The following APAF1 variants were observed in gnomAD, a reference collection of about 807,000 sequenced individuals.
APAF1 encodes apoptotic peptidase activating factor 1.
A neutral mutation model predicts 152.4 loss-of-function variants in APAF1; 91 were observed. The observed-to-expected ratio is 0.60, with a 90% CI of 0.50 to 0.71. APAF1 has a LOEUF of 0.71. Ranked by LOEUF, APAF1 falls within the 30% of genes least tolerant of loss-of-function variation. The pLI is 0.00. For synonymous variants in APAF1, 484 were observed against 494.1 expected (o/e 0.98, Z 0.27); for missense variants, 1,283 against 1,472.0 (o/e 0.87, Z 2.10).
At position 98,727,162 on chromosome 12, in the gene APAF1, T is replaced by A; in HGVS notation, c.3457-11T>A. The A allele has an allele frequency of 6.2e-7, 1 of 1,613,894 alleles. No homozygotes were observed. Among genetic ancestry groups the A allele is most frequent in the Non-Finnish European group, 8.5e-7 (1 of 1,179,818 alleles). On this transcript the variant is annotated splice_polypyrimidine_tract_variant and intron_variant, in intron 25 of 26. Coordinates refer to ENST00000551964, the MANE Select transcript of APAF1 (RefSeq NM_181861.2). Reference sequence around the variant, plus strand: ...AACTCTGTTAATGAATTGTGTATCATGTTTATGTAGATATGGAATGTCTCA... The same window carrying A: ...AACTCTGTTAATGAATTGTGTATCAAGTTTATGTAGATATGGAATGTCTCA...
intron 19 of APAF1, among the ~76,000 whole-genome samples, chr12:98,706,992 C>T (rs1342672530): frequency 1.3e-5 from 2 of 152,132 alleles, no homozygotes; most frequent in African/African-American, 4.8e-5. Context: ...CTTTCCATTT[C>T]TGCTGCCCAA....
At chr12:98,652,589 A>T (rs1446827846) in intron 4 of APAF1, among the ~76,000 whole-genome samples, 4 of 151,086 alleles carry the variant, frequency 2.6e-5, no homozygotes, top group African/African-American at 9.7e-5. Flanking sequence ...TATATATTCT[A>T]GACATTAAAC....
In APAF1 at chr12:98,670,968, T is replaced by C. The variant is rs1184309241; in HGVS notation, c.1495-5T>C. 1 of 1,608,134 alleles carries C rather than the reference T, an allele frequency of 6.2e-7. No homozygotes were observed. The highest frequency in any genetic ancestry group is 8.5e-7 in the Non-Finnish European group (1 of 1,174,884). ...GCTGCTGATACTACTTTTTGTTTTT[T>C]AAAGGAACTTTGTGCTTTAATGTTT... On this transcript the variant is annotated splice_region_variant and splice_polypyrimidine_tract_variant and intron_variant, in intron 10 of 26. Coordinates refer to ENST00000551964, the MANE Select transcript of APAF1 (RefSeq NM_181861.2).
chr12:98,705,339 GGGA>G (rs2097720267), intron 18 of APAF1, among the ~76,000 whole-genome samples: 1 of 152,190 alleles, frequency 6.6e-6, no homozygotes, highest in Non-Finnish European at 1.5e-5. Flanking sequence ...GGGAAGAGAG[GGGA>G]GGATTCTCAA....
chr12:98,663,697 C>T (rs1166011795), intron 7 of APAF1, among the ~76,000 whole-genome samples: 9 of 151,970 alleles, frequency 5.9e-5, no homozygotes, highest in African/African-American at 1.9e-4. Flanking sequence ...CTCACTCTGT[C>T]GTCCAGGCTG....
chr12:98,727,152 T>A (rs759933798), intron 25 of APAF1, 21 bp from the exon 26 acceptor site: 1 of 1,612,924 alleles, frequency 6.2e-7, no homozygotes, highest in Admixed American at 1.7e-5. Flanking sequence ...TGTTAATGAA[T>A]TGTGTATCAT....
chr12:98,670,423 C>T (rs764332452), intron 10 of APAF1, among the ~76,000 whole-genome samples: 10 of 151,960 alleles, frequency 6.6e-5, no homozygotes, highest in South Asian at 4.2e-4. Context: ...TTTCTCTTGA[C>T]GTGTTTTTCT....
At chr12:98,717,323 A>AAT (rs1316434572) in intron 22 of APAF1, among the ~76,000 whole-genome samples, 1 of 151,238 alleles carries the variant, frequency 6.6e-6, no homozygotes, top group Non-Finnish European at 1.5e-5. Flanking sequence ...CAGACAGGTA[A>AAT]ATATATATAA....
At chr12:98,682,054 T>A (rs1392792066) in intron 14 of APAF1, among the ~76,000 whole-genome samples, 1 of 145,162 alleles carries the variant, frequency 6.9e-6, no homozygotes, top group Non-Finnish European at 1.5e-5. Context: ...ATTTTTTTGT[T>A]TTTTTTTTTT....
intron 15 of APAF1, among the ~76,000 whole-genome samples, chr12:98,685,634 T>A (rs1423700851): frequency 6.6e-6 from 1 of 150,954 alleles, no homozygotes; most frequent in Non-Finnish European, 1.5e-5. Flanking sequence ...ACGCCCAGCT[T>A]ATAAACTCCT....
At chr12:98,683,357 T>C in intron 15 of APAF1, 83 bp downstream of exon 15, 1 of 1,327,150 alleles carries the variant, frequency 7.5e-7, no homozygotes, top group African/African-American at 1.4e-5. Context: ...TGTATACTAC[T>C]ATTAGGACTT....
intron 5 of APAF1, among the ~76,000 whole-genome samples, chr12:98,660,088 G>A (rs144775569): frequency 1.4e-3 from 211 of 152,346 alleles, no homozygotes; most frequent in African/African-American, 4.7e-3. Flanking sequence ...GCTCATGCCT[G>A]TAGTCCCAGC....
intron 11 of APAF1, among the ~76,000 whole-genome samples, 192 bp downstream of exon 11, chr12:98,671,278 C>T (rs150239970): frequency 3.0e-4 from 45 of 151,712 alleles, no homozygotes; most frequent in African/African-American, 1.0e-3. Context: ...AGTTTAAAAG[C>T]TAGGAAAATA....
At chr12:98,680,208 A>AT (rs2097690854) in intron 13 of APAF1, 69 bp from the exon 14 acceptor site, 3 of 1,479,642 alleles carry the variant, frequency 2.0e-6, no homozygotes, top group Non-Finnish European at 2.7e-6. Context: ...TCACTTAAAG[A>AT]TTTTTATTGA....
intron 10 of APAF1, 121 bp downstream of exon 10, chr12:98,667,765 ATTTT>A (rs71305589): frequency 6.1e-3 from 1,929 of 317,772 alleles, no homozygotes; most frequent in East Asian, 0.012. Context: ...TTTCCATTTG[ATTTT>A]TTTTTTTTTT....
At chr12:98,689,463 A>AGTGT (rs1491402557) in intron 16 of APAF1, among the ~76,000 whole-genome samples, 1 of 94,020 alleles carries the variant, frequency 1.1e-5, no homozygotes, top group East Asian at 3.7e-4. Context: ...AGAGAGAGAG[A>AGTGT]GTGTGTGTGT....
Position 98,734,103 on chromosome 12 carries a change from C to T in APAF1, c.*1537C>T, listed in dbSNP as rs1377884581. On this transcript the variant is annotated 3_prime_UTR_variant, in exon 27 of 27. Transcript: ENST00000551964. ...TTTTAGATGAATGGCATTGTGAATG[C>T]CATTCTTTTAATGAATTTCAAGAGA... 1 of 152,138 alleles carries T rather than the reference C, an allele frequency of 6.6e-6. No individual in the cohort carries two copies. The highest frequency in any genetic ancestry group is 1.9e-4 in the East Asian group (1 of 5,200). 9.4% of individuals were successfully genotyped at this position (152,138 alleles called of 1,614,324 possible).
Position 98,723,635 on chromosome 12 carries a change from T to A in APAF1, c.3205-4T>A. On this transcript the variant is annotated splice_region_variant and splice_polypyrimidine_tract_variant and intron_variant, in intron 23 of 26. Transcript: ENST00000551964. ...CCTCCAAGTGTTTTTTTTTTTTTTT[T>A]AAGGTATGGAATATTATTACTGGAA... 2 of 1,559,448 alleles carry A rather than the reference T, an allele frequency of 1.3e-6. No individual in the cohort carries two copies. Among genetic ancestry groups the A allele is most frequent in the Admixed American group, 1.8e-5 (1 of 56,696 alleles).
At chr12:98,721,169 G>GCAA (rs562117411) in intron 22 of APAF1, among the ~76,000 whole-genome samples, 34 of 152,018 alleles carry the variant, frequency 2.2e-4, no homozygotes, top group African/African-American at 5.1e-4. Context: ...GTGTTTCCGT[G>GCAA]CAACAACAAC....
Sources: gnomAD v4.1 joint callset for allele counts (sites outside exome capture counted in the v4.1 genomes callset) on GRCh38, gnomAD v4.1.1 for gene constraint, MANE v1.5 for transcripts, NCBI Gene and HGNC (gene_info 2026-07-23, HGNC 2026-07-21) for gene names.